The following UVRAG variants were observed in gnomAD, a reference collection of about 807,000 sequenced individuals.
UVRAG encodes UV radiation resistance associated.
UVRAG carries 19 observed loss-of-function variants against 78.0 expected under a neutral mutation model. The observed-to-expected ratio is 0.24, with a 90% CI of 0.17 to 0.36. UVRAG has a LOEUF of 0.36. UVRAG is among the 10% of genes least tolerant of loss of function. The pLI, the probability that UVRAG is intolerant of heterozygous loss-of-function variation, is 1.00. For missense variants in UVRAG, 740 were observed against 853.8 expected (o/e 0.87, Z 1.66); for synonymous variants, 323 against 324.6 (o/e 1.00, Z 0.05).
intron 1 of UVRAG, among the ~76,000 whole-genome samples, chr11:75,828,754 CATATATATATATAT>C (rs776673600): frequency 1.3e-5 from 1 of 78,392 alleles, no homozygotes; most frequent in Non-Finnish European, 2.3e-5. Context: ...TATACACACA[CATATATATATATAT>C]ATATATACAC....
intron 6 of UVRAG, among the ~76,000 whole-genome samples, chr11:75,959,331 A>T (rs1948866031): frequency 1.3e-5 from 2 of 152,180 alleles, no homozygotes; most frequent in African/African-American, 4.8e-5. Flanking sequence ...ACCTTCATTG[A>T]TGATCTTAGC....
At position 75,942,045 on chromosome 11, in the gene UVRAG, G is replaced by GGGT. The variant is rs1333207847; in HGVS notation, c.594-19397_594-19395dup. 5.3e-5 allele frequency: 8 copies of GGGT among 152,188 alleles called. No individual in the cohort carries two copies. In the East Asian group the frequency reaches 1.4e-3, roughly 26 times the overall value. The allele number at this position is 152,188 out of a possible 1,614,324, so 9.4% of individuals were successfully genotyped here. On this transcript the variant is annotated intron_variant, in intron 6 of 14. Transcript: ENST00000356136. Reference sequence around the variant, plus strand: ...AAATGTAAGGCATTTTAAAGAGATGGGGTGCCAGTTATAATTCAGTTTTGA... The same window carrying GGGT: ...AAATGTAAGGCATTTTAAAGAGATGGGGTGGTGCCAGTTATAATTCAGTTTTGA...
At chr11:76,022,861 T>C (rs1192811442) in intron 12 of UVRAG, among the ~76,000 whole-genome samples, 1 of 152,224 alleles carries the variant, frequency 6.6e-6, no homozygotes, top group East Asian at 1.9e-4. Context: ...CTGCCTTCTT[T>C]TGTGCTTAGT....
intron 1 of UVRAG, among the ~76,000 whole-genome samples, chr11:75,835,858 C>A (rs56773610): frequency 6.6e-6 from 1 of 151,962 alleles, no homozygotes; most frequent in African/African-American, 2.4e-5. Context: ...CTTTGGGAGG[C>A]GGTGGTGGGC....
intron 5 of UVRAG, among the ~76,000 whole-genome samples, chr11:75,895,054 G>A (rs1168631839): frequency 6.6e-6 from 1 of 152,128 alleles, no homozygotes; most frequent in African/African-American, 2.4e-5. Flanking sequence ...GAAGCAACAA[G>A]GCTTTGAGAA....
intron 8 of UVRAG, among the ~76,000 whole-genome samples, chr11:75,991,508 G>A (rs954383722): frequency 6.6e-6 from 1 of 152,080 alleles, no homozygotes; most frequent in African/African-American, 2.4e-5. Context: ...ATAACTTTAT[G>A]AGGTAGATGC....
intron 11 of UVRAG, among the ~76,000 whole-genome samples, chr11:76,012,011 G>A (rs1280630027): frequency 6.6e-6 from 1 of 152,016 alleles, no homozygotes; most frequent in African/African-American, 2.4e-5. Context: ...GACATTTTAG[G>A]CTGGGTGAGT....
At chr11:75,985,079 C>T (rs912868292) in intron 8 of UVRAG, among the ~76,000 whole-genome samples, 1 of 151,608 alleles carries the variant, frequency 6.6e-6, no homozygotes, top group African/African-American at 2.4e-5. Context: ...AATGGTTTTC[C>T]AATATGATTG....
chr11:75,830,093 T>C (rs1945620763), intron 1 of UVRAG, among the ~76,000 whole-genome samples: 1 of 152,120 alleles, frequency 6.6e-6, no homozygotes, highest in Admixed American at 6.6e-5. Context: ...GCCTGCCTCG[T>C]CTTCCCAAAG....
chr11:75,963,434 C>G (rs1162658513), intron 7 of UVRAG, among the ~76,000 whole-genome samples: 4 of 152,146 alleles, frequency 2.6e-5, no homozygotes, highest in Non-Finnish European at 5.9e-5. Context: ...AGAATAATGC[C>G]ATCTACATGT....
intron 13 of UVRAG, among the ~76,000 whole-genome samples, chr11:76,083,445 C>T (rs748450389): frequency 1.3e-5 from 2 of 151,920 alleles, no homozygotes; most frequent in Non-Finnish European, 2.9e-5. Flanking sequence ...TTCAAATGTA[C>T]CTGGAAGTAT....
intron 13 of UVRAG, among the ~76,000 whole-genome samples, chr11:76,081,205 A>G (rs1591213536): frequency 6.7e-6 from 1 of 150,026 alleles, no homozygotes; most frequent in Middle Eastern, 3.5e-3. Flanking sequence ...ACATTGAGCC[A>G]GTCTCTCTCT....
In UVRAG at chr11:75,911,458, C is replaced by T. The variant is rs117465099; in HGVS notation, c.508-496C>T. The T allele has an allele frequency of 8.8e-4, 148 of 168,780 alleles. 1 individual carries two copies. In the East Asian group the frequency reaches 0.022, roughly 26 times the overall value. 10.5% of individuals were successfully genotyped at this position (168,780 alleles called of 1,614,324 possible). ...GCCCCAGGTGATGTTCAGCCATCAT[C>T]TGGAGCTCTCTCGTTGTGGGTGTGA... On this transcript the variant is annotated intron_variant, in intron 5 of 14. Coordinates refer to ENST00000356136, the MANE Select transcript of UVRAG (RefSeq NM_003369.4).
chr11:75,977,800 A>G (rs1422604196), intron 7 of UVRAG, among the ~76,000 whole-genome samples: 1 of 152,120 alleles, frequency 6.6e-6, no homozygotes, highest in Non-Finnish European at 1.5e-5. Flanking sequence ...AATACAGCAC[A>G]CTTATGGGTC....
rs201725768 is a variant in UVRAG, at chr11:76,079,393, G to A, written c.1305+13605G>A. On this transcript the variant is annotated intron_variant, in intron 13 of 14. Transcript: ENST00000356136. ...CCAACTACTCAGGAGGCTGAGGCAGGAGGATTGTTTGAGCCTAGGTGTTAA... is the reference window on the plus strand; with the variant it reads ...CCAACTACTCAGGAGGCTGAGGCAGAAGGATTGTTTGAGCCTAGGTGTTAA... Among the ~76,000 whole-genome samples the A allele has an allele frequency of 5.3e-5, 8 of 152,058 alleles. No homozygotes were observed. In the East Asian group the frequency reaches 1.5e-3, roughly 29 times the overall value.
chr11:76,004,449 T>C (rs1949885700), intron 9 of UVRAG, among the ~76,000 whole-genome samples: 1 of 152,228 alleles, frequency 6.6e-6, no homozygotes, highest in South Asian at 2.1e-4. Context: ...CTGCTTCTTG[T>C]TAGCTCATTT....
At chr11:76,134,966 C>T (rs1952575447) in intron 14 of UVRAG, among the ~76,000 whole-genome samples, 1 of 152,116 alleles carries the variant, frequency 6.6e-6, no homozygotes. Context: ...AGCTCCGCCT[C>T]CCATCAGATC....
chr11:76,024,483 A>G (rs1247169194), intron 12 of UVRAG, among the ~76,000 whole-genome samples: 2 of 152,074 alleles, frequency 1.3e-5, no homozygotes, highest in African/African-American at 4.8e-5. Flanking sequence ...CACAAATTGT[A>G]TTTTGTTGAT....
chr11:75,920,008 GTTTTTT>G (rs140217190), intron 6 of UVRAG, among the ~76,000 whole-genome samples: 9 of 55,490 alleles, frequency 1.6e-4, no homozygotes, highest in South Asian at 1.8e-3. Flanking sequence ...AATAATTTTG[GTTTTTT>G]TTTTTTTTTT....
Sources: allele counts gnomAD v4.1 joint callset (sites outside exome capture counted in the v4.1 genomes callset), GRCh38; gene constraint gnomAD v4.1.1; transcripts MANE v1.5; gene names NCBI Gene and HGNC (gene_info 2026-07-23, HGNC 2026-07-21).